TWF1: variants seen among roughly 807,000 people sequenced by gnomAD.
The protein encoded by TWF1 is twinfilin actin binding protein 1.
A neutral mutation model predicts 47.9 loss-of-function variants in TWF1; 14 were observed. The ratio of observed to expected loss-of-function variants is 0.29; its 90% CI spans 0.19 to 0.46. The LOEUF (loss-of-function observed/expected upper bound fraction) is 0.46. Ranked by LOEUF, TWF1 falls within the 20% of genes least tolerant of loss-of-function variation. The probability of loss-of-function intolerance (pLI) is 1.00; values close to 1 mark genes in which losing one functional copy is unlikely to be tolerated. For synonymous variants in TWF1, 96 were observed against 139.2 expected, an observed-to-expected ratio of 0.69 and a Z score of 2.18; for missense variants, 281 against 409.3, an observed-to-expected ratio of 0.69 and a Z score of 2.70.
chr12:43,797,225 G>T (rs1942569020), intron 7 of TWF1, 77 bp downstream of exon 7: 1 of 1,493,292 alleles, frequency 6.7e-7, no homozygotes. Context: ...CTCTGGGCAA[G>T]AAATAAGTAA....
intron 1 of TWF1, 63 bp downstream of exon 1, chr12:43,806,158 C>CCTCCCGGTCCTGCAGCCCTCCCGGCT: frequency 6.5e-7 from 1 of 1,534,324 alleles, no homozygotes; most frequent in Non-Finnish European, 8.7e-7. Context: ...GTCCTGCAGC[C>CCTCCCGGTCCTGCAGCCCTCCCGGCT]CTCCCGGCTC....
Position 43,794,987 on chromosome 12 carries a change from A to G in TWF1, c.*598T>C, listed in dbSNP as rs899918180. 3.7e-4 allele frequency: 56 copies of G among 152,298 alleles called. No homozygotes were observed. Among genetic ancestry groups the G allele is most frequent in the African/African-American group, 1.3e-3 (53 of 41,572 alleles). The allele number at this position is 152,298 out of a possible 1,614,324, so 9.4% of individuals were successfully genotyped here. A position where few individuals can be genotyped will look rare whatever the true frequency, so the allele number is the denominator to read the frequency against. On this transcript the variant is annotated 3_prime_UTR_variant, in exon 9 of 9. Coordinates refer to ENST00000395510, the MANE Select transcript of TWF1 (RefSeq NM_002822.5). ...AGTATAGAAAATATCTGGTACCCTT[A>G]AAGTTTCAGAGTGAGCTGATCTGCA... is the stretch of plus-strand genomic sequence containing the variant.
chr12:43,804,253 A>C, intron 2 of TWF1: 2 of 509,146 alleles, frequency 3.9e-6, no homozygotes, highest in Non-Finnish European at 7.5e-6. Flanking sequence ...GAGACACAAA[A>C]AGTAAAAGAG....
In TWF1 at chr12:43,802,379, G is replaced by C; in HGVS notation, c.189C>G (p.Asp63Glu). Residue 63 changes from aspartate (D) to glutamate (E), a missense_variant, in exon 3 of 9, where the codon GAC (aspartate) becomes GAG (glutamate). Transcript: ENST00000395510. Reference protein sequence around the residue: ...YDSFVLPLLEDKQPCYILFRL... With the variant: ...YDSFVLPLLEEKQPCYILFRL... ...TGAATAATATATAGCATGGTTGTTTGTCCTCCAACAGGGGTAAAACAAAGG... is the reference window on the plus strand; with the variant it reads ...TGAATAATATATAGCATGGTTGTTTCTCCTCCAACAGGGGTAAAACAAAGG... 1.9e-6 allele frequency: 3 copies of C among 1,605,332 alleles called. No individual in the cohort carries two copies. Among genetic ancestry groups the C allele is most frequent in the Non-Finnish European group, 1.7e-6 (2 of 1,174,546 alleles).
chr12:43,797,974 G>A (rs890639761), intron 5 of TWF1, 141 bp from the exon 6 acceptor site: 8 of 832,140 alleles, frequency 9.6e-6, no homozygotes, highest in East Asian at 8.1e-5. Flanking sequence ...ATTTGTTTAC[G>A]GTCCTGCTAG....
chr12:43,803,920 C>T (rs1942707929), intron 2 of TWF1, among the ~76,000 whole-genome samples: 2 of 152,038 alleles, frequency 1.3e-5, no homozygotes, highest in Admixed American at 6.5e-5. Flanking sequence ...AATAATTGTT[C>T]AAATTCAAAT....
intron 4 of TWF1, among the ~76,000 whole-genome samples, chr12:43,799,783 G>GT (rs1271739749): frequency 2.0e-5 from 3 of 152,038 alleles, no homozygotes; most frequent in Non-Finnish European, 4.4e-5. Context: ...TGGTCATCCT[G>GT]TAAGTCTATA....
chr12:43,795,877 T>C (rs1012918686), intron 8 of TWF1, 122 bp from the exon 9 acceptor site: 117 of 888,646 alleles, frequency 1.3e-4, no homozygotes, highest in Middle Eastern at 6.7e-4. Flanking sequence ...AAGGACCATA[T>C]GTAAACAGTT....
chr12:43,805,474 AT>A (rs1434591147), intron 1 of TWF1: 1 of 450,390 alleles, frequency 2.2e-6, no homozygotes, highest in South Asian at 1.6e-5. Context: ...TCGTTAAGTG[AT>A]CGCGAGTAAC....
intron 2 of TWF1, chr12:43,804,070 T>G (rs1284747260): frequency 4.4e-6 from 1 of 228,556 alleles, no homozygotes; most frequent in Admixed American, 5.0e-5. Context: ...GTGGCAAAGG[T>G]TGCAATCAAA....
rs761020751 is a variant in TWF1 at position 43,795,704 on chromosome 12, C to T, written c.934G>A (p.Val312Ile). 6.2e-7 allele frequency: 1 copy of T among 1,613,770 alleles called. No homozygotes were observed. The highest frequency in any genetic ancestry group is 1.7e-5 in the Admixed American group (1 of 60,004). The change falls in exon 9 of 9, where the codon GTA (valine) becomes ATA (isoleucine). Residue 312 changes from valine to isoleucine, a missense_variant. Transcript: ENST00000395510. ...TTGTGTGCATGCTGCTTGGGATGTA[C>T]TTCTTCATAAAGGAAGTCTGCAGTC... The part of the protein sequence containing the change: ...ELTADFLYEE[V>I]HPKQHAHKQS...
Position 43,795,564 on chromosome 12 carries a change from A to C in TWF1, c.*21T>G. The C allele has an allele frequency of 6.2e-7, 1 of 1,604,364 alleles. No homozygotes were observed. Among genetic ancestry groups the C allele is most frequent in the Non-Finnish European group, 8.5e-7 (1 of 1,175,276 alleles). ...GCTGGACTTTTAAAAAACTAGTATT[A>C]CAATGTTTAATGTGATGACTTTAAT... On this transcript the variant is annotated 3_prime_UTR_variant, in exon 9 of 9. Transcript: ENST00000395510.
intron 6 of TWF1, 49 bp downstream of exon 6, chr12:43,797,659 T>C (rs762880207): frequency 7.5e-6 from 12 of 1,592,414 alleles, no homozygotes; most frequent in Non-Finnish European, 1.0e-5. Flanking sequence ...ATATGAGTCA[T>C]AAACTACCAA....
In TWF1 at chr12:43,800,663, T is replaced by C. The variant is rs1042948109; in HGVS notation, c.283-133A>G. The C allele has an allele frequency of 7.0e-5, 44 of 626,622 alleles. No individual in the cohort carries two copies. In the Middle Eastern group the frequency reaches 8.9e-4, roughly 13 times the overall value. 38.8% of individuals were successfully genotyped at this position (626,622 alleles called of 1,614,324 possible). ...GAGCTGAAGTCCACCCACTATAATATGCTAAAATACGTGTGTACAAATAAC... is the reference window on the plus strand; with the variant it reads ...GAGCTGAAGTCCACCCACTATAATACGCTAAAATACGTGTGTACAAATAAC... On this transcript the variant is annotated intron_variant, in intron 3 of 8. Coordinates refer to ENST00000395510, the MANE Select transcript of TWF1 (RefSeq NM_002822.5).
intron 3 of TWF1, among the ~76,000 whole-genome samples, chr12:43,801,233 T>C (rs1942655858): frequency 6.6e-6 from 1 of 152,148 alleles, no homozygotes; most frequent in Non-Finnish European, 1.5e-5. Context: ...ATTCACGGCT[T>C]ACCGATGGCA....
At chr12:43,804,453 A>G (rs747456650) in intron 2 of TWF1, 42 bp downstream of exon 2, 1 of 1,259,052 alleles carries the variant, frequency 7.9e-7, no homozygotes, top group South Asian at 1.3e-5. Flanking sequence ...TACAACAGCC[A>G]CTAATCCAGG....
At chr12:43,802,825 T>C (rs1304003326) in intron 2 of TWF1, among the ~76,000 whole-genome samples, 1 of 152,170 alleles carries the variant, frequency 6.6e-6, no homozygotes, top group East Asian at 1.9e-4. Context: ...ATATTTAAAC[T>C]ACCATTCAAA....
At chr12:43,796,022 T>C (rs1337968467) in intron 8 of TWF1, among the ~76,000 whole-genome samples, 3 of 152,194 alleles carry the variant, frequency 2.0e-5, no homozygotes, top group Non-Finnish European at 1.5e-5. Flanking sequence ...CACTACATTC[T>C]CAAGTTGCTA....
intron 1 of TWF1, 119 bp downstream of exon 1, chr12:43,806,102 C>A (rs1166854238): frequency 6.6e-7 from 1 of 1,522,124 alleles, no homozygotes; most frequent in South Asian, 1.2e-5. Flanking sequence ...CGGCTCGCCC[C>A]GCGAGACCGA....
Sources: gnomAD v4.1 joint callset for allele counts (sites outside exome capture counted in the v4.1 genomes callset) on GRCh38, gnomAD v4.1.1 for gene constraint, MANE v1.5 for transcripts, NCBI Gene and HGNC (gene_info 2026-07-23, HGNC 2026-07-21) for gene names.